The following ZCCHC7 variants were observed in gnomAD, a reference collection of about 807,000 sequenced individuals.
ZCCHC7 encodes the protein zinc finger CCHC domain-containing protein 7.
A neutral mutation model predicts 52.0 loss-of-function variants in ZCCHC7; 35 were observed. That is an observed-to-expected ratio of 0.67 (90% confidence interval 0.51 to 0.89). The LOEUF (loss-of-function observed/expected upper bound fraction) is 0.89. Among genes scored for constraint, ZCCHC7 ranks in the 40% least tolerant of loss-of-function variants. The probability of loss-of-function intolerance (pLI) is 0.00; values close to 1 mark genes in which losing one functional copy is unlikely to be tolerated. For synonymous variants in ZCCHC7, 217 were observed against 221.5 expected (o/e 0.98, Z 0.18); for missense variants, 574 against 649.1 (o/e 0.88, Z 1.26).
intron 2 of ZCCHC7, among the ~76,000 whole-genome samples, chr9:37,214,785 G>A (rs1157042600): frequency 6.6e-6 from 1 of 152,022 alleles, no homozygotes; most frequent in East Asian, 1.9e-4. Flanking sequence ...AAAGGTGGAA[G>A]AGATACTATT....
At chr9:37,318,364 G>A (rs899761247) in intron 5 of ZCCHC7, among the ~76,000 whole-genome samples, 1 of 151,902 alleles carries the variant, frequency 6.6e-6, no homozygotes, top group Non-Finnish European at 1.5e-5. Context: ...GGGAGGCTGA[G>A]GCAGGAGAAT....
chr9:37,316,555 C>T (rs1337809432), intron 5 of ZCCHC7, among the ~76,000 whole-genome samples: 2 of 151,822 alleles, frequency 1.3e-5, no homozygotes, highest in Non-Finnish European at 2.9e-5. Flanking sequence ...GAACTCCTAA[C>T]CTCGAGTGAT....
intron 2 of ZCCHC7, among the ~76,000 whole-genome samples, chr9:37,176,456 A>G (rs1338381447): frequency 6.6e-6 from 1 of 152,138 alleles, no homozygotes; most frequent in Admixed American, 6.5e-5. Flanking sequence ...TACAGAAATG[A>G]GTCCCACATT....
intron 6 of ZCCHC7, among the ~76,000 whole-genome samples, chr9:37,330,947 C>G (rs948193018): frequency 6.6e-6 from 1 of 151,590 alleles, no homozygotes; most frequent in Non-Finnish European, 1.5e-5. Context: ...TGTTTTTAAT[C>G]TACTTACTTT....
Position 37,337,838 on chromosome 9 carries a change from T to G in ZCCHC7, c.987+10004T>G, listed in dbSNP as rs567312053. On this transcript the variant is annotated intron_variant, in intron 6 of 8. Transcript: ENST00000336755. ...TTGCTGTCATAAATTTGTGCGTTTG[T>G]GTCACTATGTAGGTAGTCTCTGGGG... 1.2e-3 allele frequency among the ~76,000 whole-genome samples: 186 copies of G among 152,336 alleles called. 1 individual carries two copies. Among genetic ancestry groups the G allele is most frequent in the Middle Eastern group, 0.01 (3 of 294 alleles).
chr9:37,279,397 TAGAAC>T (rs1306534822), intron 2 of ZCCHC7, among the ~76,000 whole-genome samples: 6 of 151,854 alleles, frequency 4.0e-5, no homozygotes, highest in East Asian at 1.9e-4. Context: ...TTTCAGTTCT[TAGAAC>T]AGACACTTAA....
At chr9:37,278,015 T>A (rs1357497222) in intron 2 of ZCCHC7, among the ~76,000 whole-genome samples, 1 of 71,274 alleles carries the variant, frequency 1.4e-5, no homozygotes, top group Non-Finnish European at 3.4e-5. Flanking sequence ...TTTTTTTGTT[T>A]GTGTGTGTGT....
At position 37,180,328 on chromosome 9, in the gene ZCCHC7, TA is replaced by T. The variant is rs144878351; in HGVS notation, c.610+53387del. 2.4e-4 allele frequency among the ~76,000 whole-genome samples: 36 copies of T among 152,188 alleles called. No individual in the cohort carries two copies. The East Asian group carries it at 4.4e-3, about 19-fold the overall frequency. Reference sequence around the variant, plus strand: ...ACAGAATTCTCCTGTAAACGTCCTCTAGGGGGAAAAAAGACATTGCATACTG... The same window carrying T: ...ACAGAATTCTCCTGTAAACGTCCTCTGGGGGAAAAAAGACATTGCATACTG... On this transcript the variant is annotated intron_variant, in intron 2 of 8. Coordinates refer to ENST00000336755, the MANE Select transcript of ZCCHC7 (RefSeq NM_032226.3).
At chr9:37,165,120 G>A (rs1253911888) in intron 2 of ZCCHC7, among the ~76,000 whole-genome samples, 6 of 152,160 alleles carry the variant, frequency 3.9e-5, no homozygotes, top group Admixed American at 1.3e-4. Flanking sequence ...ATTGTGAAAT[G>A]ATACCAGTTT....
chr9:37,306,629 C>A lies in ZCCHC7; in HGVS notation c.951+915C>A, dbSNP rs1445078686. Among the ~76,000 whole-genome samples the A allele has an allele frequency of 6.1e-4, 91 of 149,794 alleles. 1 individual carries two copies. The highest frequency in any genetic ancestry group is 6.0e-3 in the Admixed American group (89 of 14,924). On this transcript the variant is annotated intron_variant, in intron 5 of 8. Transcript: ENST00000336755. The stretch of plus-strand genomic sequence containing the variant: ...TACAGGCACGTGCCACCACACCTGG[C>A]TAATTTTTTATTTTTAGTAGATACG...
intron 6 of ZCCHC7, among the ~76,000 whole-genome samples, chr9:37,347,169 T>G (rs902838560): frequency 2.0e-5 from 3 of 152,136 alleles, no homozygotes; most frequent in African/African-American, 7.2e-5. Context: ...CACCACCTCC[T>G]CAGAGGTCTG....
At chr9:37,303,965 T>C (rs760949676) in intron 3 of ZCCHC7, among the ~76,000 whole-genome samples, 9 of 152,122 alleles carry the variant, frequency 5.9e-5, no homozygotes, top group Non-Finnish European at 1.2e-4. Context: ...GCCCAACCTC[T>C]ACCTCTTTTT....
chr9:37,129,830 C>T (rs965218031), intron 2 of ZCCHC7, among the ~76,000 whole-genome samples: 10 of 152,204 alleles, frequency 6.6e-5, no homozygotes, highest in Admixed American at 5.9e-4. Flanking sequence ...TTTCTTGGCA[C>T]ATACATTACC....
chr9:37,355,987 A>G (rs916569143), intron 8 of ZCCHC7, among the ~76,000 whole-genome samples: 1 of 136,552 alleles, frequency 7.3e-6, no homozygotes, highest in African/African-American at 2.9e-5. Flanking sequence ...CAGGTTTTCT[A>G]TAATGAGCAG....
intron 2 of ZCCHC7, among the ~76,000 whole-genome samples, chr9:37,217,384 ATG>A (rs888297839): frequency 6.6e-6 from 1 of 152,186 alleles, no homozygotes; most frequent in African/African-American, 2.4e-5. Flanking sequence ...GTTTTAGTCT[ATG>A]TGAGTCATGT....
At chr9:37,351,380 A>G (rs2118647325) in intron 7 of ZCCHC7, among the ~76,000 whole-genome samples, 1 of 152,236 alleles carries the variant, frequency 6.6e-6, no homozygotes. Context: ...ATCTCAGCTC[A>G]CTGCAGCTTT....
At chr9:37,274,898 T>G (rs893079549) in intron 2 of ZCCHC7, among the ~76,000 whole-genome samples, 16 of 152,182 alleles carry the variant, frequency 1.1e-4, no homozygotes, top group Non-Finnish European at 2.2e-4. Context: ...CACCATTTAT[T>G]GAATAAATTG....
chr9:37,316,441 A>T (rs1423331620), intron 5 of ZCCHC7, among the ~76,000 whole-genome samples: 3 of 136,386 alleles, frequency 2.2e-5, no homozygotes, highest in Non-Finnish European at 4.7e-5. Flanking sequence ...GATTTAAAAC[A>T]ACTCTTCATA....
intron 2 of ZCCHC7, among the ~76,000 whole-genome samples, chr9:37,167,328 C>G (rs1439693087): frequency 1.3e-5 from 2 of 151,328 alleles, no homozygotes; most frequent in Non-Finnish European, 2.9e-5. Context: ...TCTTGAACTC[C>G]TGGCCTCAGC....
Sources: allele counts gnomAD v4.1 joint callset (sites outside exome capture counted in the v4.1 genomes callset), GRCh38; gene constraint gnomAD v4.1.1; transcripts MANE v1.5; gene names NCBI Gene and HGNC (gene_info 2026-07-23, HGNC 2026-07-21).